PXMP2: variants seen among roughly 807,000 people sequenced by gnomAD.
PXMP2 encodes the protein 22 kDa peroxisomal membrane protein.
PXMP2 carries 13 observed loss-of-function variants against 20.2 expected under a neutral mutation model. That is an observed-to-expected ratio of 0.64 (90% CI 0.42 to 1.02). The LOEUF is 1.02. PXMP2 is among the 50% of genes least tolerant of loss of function. The pLI is 0.00. For synonymous variants in PXMP2, 113 were observed against 111.2 expected, an observed-to-expected ratio of 1.02 and a Z score of -0.10; for missense variants, 284 against 251.8, an observed-to-expected ratio of 1.13 and a Z score of -0.87.
chr12:132,687,840 C>G, intron 1 of PXMP2, 48 bp downstream of exon 1: 1 of 1,114,734 alleles, frequency 9.0e-7, no homozygotes, highest in Non-Finnish European at 1.1e-6. Flanking sequence ...CCAGGTCGGC[C>G]GCAGCGGCGC....
chr12:132,695,399 C>T (rs772891023), intron 2 of PXMP2, among the ~76,000 whole-genome samples: 2 of 152,204 alleles, frequency 1.3e-5, no homozygotes, highest in African/African-American at 2.4e-5. Context: ...CAACCAGGGA[C>T]ATGTCTGATG....
chr12:132,698,956 A>C (rs892067275), intron 3 of PXMP2, among the ~76,000 whole-genome samples: 8 of 152,168 alleles, frequency 5.3e-5, no homozygotes, highest in Non-Finnish European at 8.8e-5. Context: ...ATTTCTTTAA[A>C]AATTTTTTTT....
Position 132,690,389 on chromosome 12 carries a change from C to G in PXMP2, c.236+13C>G. ...ATGCCGTTTACGGGTGAGTGCCATA[C>G]AAGGGGTGGGTTTACCTTGTAGCCG... On this transcript the variant is annotated intron_variant, in intron 2 of 4. Transcript: ENST00000317479. The G allele has an allele frequency of 6.2e-7, 1 of 1,603,476 alleles. No individual in the cohort carries two copies. The highest frequency in any genetic ancestry group is 8.5e-7 in the Non-Finnish European group (1 of 1,170,836).
At chr12:132,687,933 C>T in intron 1 of PXMP2, 141 bp downstream of exon 1, 1 of 816,120 alleles carries the variant, frequency 1.2e-6, no homozygotes, top group South Asian at 5.8e-5. Context: ...CCCTCCGACC[C>T]GGCGCTGAAC....
intron 3 of PXMP2, among the ~76,000 whole-genome samples, chr12:132,700,872 C>G (rs552514355): frequency 1.3e-5 from 2 of 148,968 alleles, no homozygotes; most frequent in African/African-American, 5.0e-5. Flanking sequence ...TTCATAACTC[C>G]TAACAAGTTT....
At chr12:132,701,221 G>A in intron 3 of PXMP2, 29 bp from the exon 4 acceptor site, 3 of 1,613,200 alleles carry the variant, frequency 1.9e-6, no homozygotes, top group Non-Finnish European at 2.5e-6. Context: ...CAGTGAGACT[G>A]TTCACCACCC....
chr12:132,691,785 A>T (rs749253527), intron 2 of PXMP2, among the ~76,000 whole-genome samples: 1 of 152,242 alleles, frequency 6.6e-6, no homozygotes, highest in African/African-American at 2.4e-5. Flanking sequence ...AGAACCACTT[A>T]TCTAAAGACT....
In PXMP2 at chr12:132,687,703, A is replaced by C; in HGVS notation, c.33A>C (p.Glu11Asp). MAPAASRLRA[E>D]AGLGALPRRA... is the part of the protein sequence containing the mutation. Reference sequence around the variant, plus strand: ...CGGCCGCGTCCAGGCTGCGGGCCGAAGCCGGGCTCGGGGCGCTGCCGCGGC... The same window carrying C: ...CGGCCGCGTCCAGGCTGCGGGCCGACGCCGGGCTCGGGGCGCTGCCGCGGC... The change falls in exon 1 of 5, where the codon GAA (glutamate) becomes GAC (aspartate). Residue 11 changes from glutamate (E) to aspartate (D), a missense_variant. By Grantham distance (45) the Glu-to-Asp change is conservative. Coordinates refer to ENST00000317479, the MANE Select transcript of PXMP2 (RefSeq NM_018663.3). 1 of 1,194,292 alleles carries C rather than the reference A, an allele frequency of 8.4e-7. No individual in the cohort carries two copies. Among genetic ancestry groups the C allele is most frequent in the Non-Finnish European group, 1.0e-6 (1 of 966,190 alleles). 74.0% of individuals were successfully genotyped at this position (1,194,292 alleles called of 1,614,324 possible).
chr12:132,696,748 C>T lies in PXMP2; in HGVS notation c.399+702C>T, dbSNP rs2043412117. 6.6e-6 allele frequency among the ~76,000 whole-genome samples: 1 copy of T among 151,430 alleles called. No individual in the cohort carries two copies. The highest frequency in any genetic ancestry group is 2.1e-4 in the South Asian group (1 of 4,776). ...CCGGGAGGTGGAGCTTGCCGTGAGC[C>T]GAGATGTCGCCACTGCACTCTAGCC... On this transcript the variant is annotated intron_variant, in intron 3 of 4. Coordinates refer to ENST00000317479, the MANE Select transcript of PXMP2 (RefSeq NM_018663.3). This position sits in a 1 kb window ranked among gnomAD's most constrained non-coding sequence, Gnocchi z 4.4.
rs1214464388 is a variant in PXMP2, at chr12:132,693,277, TA to T, written c.237-2605del. 9.1e-4 allele frequency among the ~76,000 whole-genome samples: 57 copies of T among 62,420 alleles called. 12 individuals are homozygous for T. Among genetic ancestry groups the T allele is most frequent in the Non-Finnish European group, 1.6e-3 (43 of 26,610 alleles). The allele number at this position is 62,420 out of a possible 152,430, so 40.9% of individuals were successfully genotyped here. A position where few individuals can be genotyped will look rare whatever the true frequency, so the allele number is the denominator to read the frequency against. ...TTAGTGAGTGCCCTTGCCAGTTAGTTAAGTGAGCGCCCTTAGCCAGTTAGAT... is the reference window on the plus strand; with the variant it reads ...TTAGTGAGTGCCCTTGCCAGTTAGTTAGTGAGCGCCCTTAGCCAGTTAGAT... On this transcript the variant is annotated intron_variant, in intron 2 of 4. Coordinates refer to ENST00000317479, the MANE Select transcript of PXMP2 (RefSeq NM_018663.3).
rs142949040 is a variant in PXMP2 at position 132,697,271 on chromosome 12, C to G, written c.399+1225C>G. Among the ~76,000 whole-genome samples, 120 of 151,214 alleles carry G rather than the reference C, an allele frequency of 7.9e-4. No individual in the cohort carries two copies. The East Asian group carries it at 0.02, about 25-fold the overall frequency. ...CTGCACTCCAGCCTGGGTAACAGAG[C>G]AAGACACTGGTTCAAAAGACAAAAA... is the stretch of plus-strand genomic sequence containing the variant. On this transcript the variant is annotated intron_variant, in intron 3 of 4. Transcript: ENST00000317479.
chr12:132,693,677 G>GCCCTTGCCAGTTAGTTAGTGAGCA (rs1565991060), intron 2 of PXMP2, among the ~76,000 whole-genome samples: 10 of 84,154 alleles, frequency 1.2e-4, no homozygotes, highest in Non-Finnish European at 1.9e-4. Flanking sequence ...GTTAGTGAGC[G>GCCCTTGCCAGTTAGTTAGTGAGCA]CCCTTGCCAG....
chr12:132,698,204 G>T (rs1289902216), intron 3 of PXMP2, among the ~76,000 whole-genome samples: 1 of 151,984 alleles, frequency 6.6e-6, no homozygotes, highest in African/African-American at 2.4e-5. Context: ...TAGAGACGGG[G>T]TTTCACCATC....
Position 132,687,758 on chromosome 12 carries a change from C to T in PXMP2, c.88C>T (p.Arg30Trp), listed in dbSNP as rs1221979537. 4.1e-6 allele frequency: 5 copies of T among 1,206,706 alleles called. No homozygotes were observed. The South Asian group carries it at 8.7e-5, about 21-fold the overall frequency. 74.7% of individuals were successfully genotyped at this position (1,206,706 alleles called of 1,614,324 possible). ...GCTCGCCCAGTACCTGCTCTTCCTGCGGCTCTACCCGGTGCTCACCAAGGC... is the reference window on the plus strand; with the variant it reads ...GCTCGCCCAGTACCTGCTCTTCCTGTGGCTCTACCCGGTGCTCACCAAGGC... Reference protein sequence around the residue: ...RALAQYLLFLRLYPVLTKAAT... With the variant: ...RALAQYLLFLWLYPVLTKAAT... Residue 30 changes from arginine to tryptophan, a missense_variant, in exon 1 of 5, where the codon CGG becomes TGG. Arg to Trp is a moderately radical substitution (Grantham distance 101, BLOSUM62 -3). Coordinates refer to ENST00000317479, the MANE Select transcript of PXMP2 (RefSeq NM_018663.3).
In PXMP2 at chr12:132,687,736, C is replaced by T. The variant is rs777595741; in HGVS notation, c.66C>T (p.Leu22=). Residue 22 remains leucine, a synonymous_variant, in exon 1 of 5, where the codon CTC becomes CTT. Coordinates refer to ENST00000317479, the MANE Select transcript of PXMP2 (RefSeq NM_018663.3). ...TCGGGGCGCTGCCGCGGCGGGCGCT[C>T]GCCCAGTACCTGCTCTTCCTGCGGC... is the stretch of plus-strand genomic sequence containing the variant. The part of the protein sequence containing the change: ...AGLGALPRRA[L]AQYLLFLRLY... 4 of 1,219,346 alleles carry T rather than the reference C, an allele frequency of 3.3e-6. No individual in the cohort carries two copies. Among genetic ancestry groups the T allele is most frequent in the Non-Finnish European group, 4.1e-6 (4 of 977,000 alleles). The allele number at this position is 1,219,346 out of a possible 1,614,324, so 75.5% of individuals were successfully genotyped here.
intron 2 of PXMP2, among the ~76,000 whole-genome samples, chr12:132,691,276 C>G (rs1019874199): frequency 1.3e-4 from 19 of 151,892 alleles, no homozygotes; most frequent in Non-Finnish European, 2.2e-4. Flanking sequence ...TCTGGATCTC[C>G]TGACCTCGTG....
intron 4 of PXMP2, among the ~76,000 whole-genome samples, chr12:132,703,906 G>A (rs1031787751): frequency 2.0e-4 from 31 of 152,266 alleles, no homozygotes; most frequent in African/African-American, 7.0e-4. Flanking sequence ...CAGACTGGCC[G>A]GGAACACGGA....
intron 1 of PXMP2, 173 bp downstream of exon 1, chr12:132,687,965 C>T (rs2043319305): frequency 5.1e-6 from 3 of 582,840 alleles, no homozygotes; most frequent in African/African-American, 2.0e-5. Context: ...ACACCCGCGT[C>T]CGCAGTCAGC....
At position 132,703,941 on chromosome 12, in the gene PXMP2, G is replaced by A. The variant is rs187622808; in HGVS notation, c.520-678G>A. Reference sequence around the variant, plus strand: ...AGGATCTGGGATGGAAGAGGGGAGAGCTGGGAAGCCGCGCCTCTGAGTAGC... The same window carrying A: ...AGGATCTGGGATGGAAGAGGGGAGAACTGGGAAGCCGCGCCTCTGAGTAGC... On this transcript the variant is annotated intron_variant, in intron 4 of 4. Coordinates refer to ENST00000317479, the MANE Select transcript of PXMP2 (RefSeq NM_018663.3). Among the ~76,000 whole-genome samples the A allele has an allele frequency of 2.0e-5, 3 of 152,318 alleles. No homozygotes were observed. In the East Asian group the frequency reaches 5.8e-4, roughly 29 times the overall value.
Sources: allele counts gnomAD v4.1 joint callset (sites outside exome capture counted in the v4.1 genomes callset), GRCh38; gene constraint gnomAD v4.1.1; non-coding constraint Gnocchi (gnomAD v3.1); transcripts MANE v1.5; gene names NCBI Gene and HGNC (gene_info 2026-07-23, HGNC 2026-07-21).